The following ZEB2 variants were observed in gnomAD, a reference collection of about 807,000 sequenced individuals.
ZEB2 encodes zinc finger E-box binding homeobox 2, also known as zinc finger E-box-binding homeobox 2.
ZEB2 carries 6 observed loss-of-function variants against 99.9 expected under a neutral mutation model. That is an observed-to-expected ratio of 0.06 (90% CI 0.03 to 0.12). ZEB2 has a LOEUF of 0.12. Among genes scored for constraint, ZEB2 ranks in the 10% least tolerant of loss-of-function variants. The pLI is 1.00. For missense variants in ZEB2, 969 were observed against 1,502.8 expected, an observed-to-expected ratio of 0.64 and a Z score of 5.87; for synonymous variants, 517 against 542.5, an observed-to-expected ratio of 0.95 and a Z score of 0.65.
chr2:144,416,810 A>G (rs2149885388), intron 4 of ZEB2, among the ~76,000 whole-genome samples: 1 of 152,152 alleles, frequency 6.6e-6, no homozygotes, highest in East Asian at 1.9e-4. Context: ...TGAAATTTGC[A>G]ATTTCTTTAA....
Position 144,498,046 on chromosome 2 carries a change from T to TA in ZEB2, c.73+19231dup, listed in dbSNP as rs1704807524. Among the ~76,000 whole-genome samples the TA allele has an allele frequency of 1.2e-4, 6 of 48,276 alleles. 2 individuals are homozygous for TA. Among genetic ancestry groups the TA allele is most frequent in the East Asian group, 1.2e-3 (2 of 1,626 alleles). The allele number at this position is 48,276 out of a possible 152,430, so 31.7% of individuals were successfully genotyped here. On this transcript the variant is annotated intron_variant, in intron 2 of 9. Coordinates refer to ENST00000627532, the MANE Select transcript of ZEB2 (RefSeq NM_014795.4). ...TATATTATATAATATATATTAATAT[T>TA]ATATATTATATAATATATATTAATA...
At chr2:144,436,240 C>T (rs1487459704) in intron 2 of ZEB2, among the ~76,000 whole-genome samples, 1 of 152,020 alleles carries the variant, frequency 6.6e-6, no homozygotes, top group African/African-American at 2.4e-5. Context: ...ATGTGCTATC[C>T]AATACAAAAT....
At chr2:144,448,259 G>T (rs538142756) in intron 2 of ZEB2, among the ~76,000 whole-genome samples, 1 of 152,250 alleles carries the variant, frequency 6.6e-6, no homozygotes, top group South Asian at 2.1e-4. Flanking sequence ...TGACATTTAA[G>T]CATGAAATAT....
In ZEB2 at chr2:144,403,913, C is replaced by A. The variant is rs144925893; in HGVS notation, c.807+3G>T. 11 of 1,614,132 alleles carry A rather than the reference C, an allele frequency of 6.8e-6. No homozygotes were observed. The Admixed American group carries it at 8.3e-5, about 12-fold the overall frequency. ...AAGAAATCACTTAAAACCATCCCCC[C>A]ACCTGATCTGTCCCTGGCTTGTGTG... On this transcript the variant is annotated splice_donor_region_variant and intron_variant, in intron 6 of 9. Coordinates refer to ENST00000627532, the MANE Select transcript of ZEB2 (RefSeq NM_014795.4).
chr2:144,413,586 T>C (rs945498199), intron 4 of ZEB2, among the ~76,000 whole-genome samples: 2 of 152,130 alleles, frequency 1.3e-5, no homozygotes, highest in African/African-American at 4.8e-5. Context: ...ACTAAGAAAT[T>C]AAAAAATAAT....
rs867364499 is a variant in ZEB2 at position 144,430,578 on chromosome 2, G to A, written c.74-552C>T. On this transcript the variant is annotated intron_variant, in intron 2 of 9. Coordinates refer to ENST00000627532, the MANE Select transcript of ZEB2 (RefSeq NM_014795.4). ...TTTCACTCTTTCTTCTATGTCAACCGTCATGTGCTAAGGCCATTTATATCC... is the reference window on the plus strand; with the variant it reads ...TTTCACTCTTTCTTCTATGTCAACCATCATGTGCTAAGGCCATTTATATCC... The A allele has an allele frequency of 7.8e-5, 14 of 179,150 alleles. No homozygotes were observed. In the Middle Eastern group the frequency reaches 1.5e-3, roughly 20 times the overall value. 11.1% of individuals were successfully genotyped at this position (179,150 alleles called of 1,614,324 possible).
chr2:144,454,141 T>C (rs1242650663), intron 2 of ZEB2, among the ~76,000 whole-genome samples: 6 of 152,242 alleles, frequency 3.9e-5, no homozygotes, highest in Non-Finnish European at 1.5e-5. Flanking sequence ...AGTATGACCT[T>C]AAAGATGGTG....
intron 2 of ZEB2, chr2:144,464,385 A>G (rs1553966916): frequency 6.6e-6 from 1 of 152,160 alleles, no homozygotes; most frequent in Non-Finnish European, 1.5e-5. Flanking sequence ...TATATATTTA[A>G]ATCTACCATT....
At chr2:144,510,269 G>T (rs1454640605) in intron 2 of ZEB2, among the ~76,000 whole-genome samples, 1 of 152,044 alleles carries the variant, frequency 6.6e-6, no homozygotes, top group East Asian at 1.9e-4. Flanking sequence ...GTTTTCCTGA[G>T]GATTTATCAG....
intron 2 of ZEB2, among the ~76,000 whole-genome samples, chr2:144,452,222 G>T (rs979093412): frequency 6.6e-6 from 1 of 152,108 alleles, no homozygotes; most frequent in East Asian, 1.9e-4. Context: ...ATGCCTAGAC[G>T]GGTAGGAAAT....
intron 2 of ZEB2, among the ~76,000 whole-genome samples, chr2:144,448,322 T>TA (rs1307289261): frequency 1.3e-5 from 2 of 152,198 alleles, no homozygotes. Context: ...TCCCAGACAC[T>TA]AAACTAGGTT....
At chr2:144,458,610 G>A (rs1243012207) in intron 2 of ZEB2, among the ~76,000 whole-genome samples, 1 of 151,876 alleles carries the variant, frequency 6.6e-6, no homozygotes, top group Admixed American at 6.6e-5. Flanking sequence ...TTTTCTAAGA[G>A]AATGAAAAAA....
At chr2:144,511,757 A>G (rs1705042116) in intron 2 of ZEB2, 1 of 1,285,566 alleles carries the variant, frequency 7.8e-7, no homozygotes, top group East Asian at 5.5e-5. Flanking sequence ...AAAAATGAAA[A>G]GGAAAATTAC....
intron 2 of ZEB2, among the ~76,000 whole-genome samples, chr2:144,442,317 T>C (rs1290917067): frequency 6.6e-6 from 1 of 152,158 alleles, no homozygotes; most frequent in Non-Finnish European, 1.5e-5. Flanking sequence ...ATACAAGCAA[T>C]ATCAAAATAT....
At chr2:144,511,146 GA>G (rs1705031598) in intron 2 of ZEB2, among the ~76,000 whole-genome samples, 1 of 152,188 alleles carries the variant, frequency 6.6e-6, no homozygotes, top group African/African-American at 2.4e-5. Context: ...CGCGAAATCA[GA>G]CCAACTTCTA....
At chr2:144,467,154 T>G (rs1459695329) in intron 2 of ZEB2, among the ~76,000 whole-genome samples, 1 of 148,640 alleles carries the variant, frequency 6.7e-6, no homozygotes, top group East Asian at 2.1e-4. Flanking sequence ...ATTATACCCA[T>G]TGTTAAATAA....
chr2:144,414,748 ACT>A (rs1215174949), intron 4 of ZEB2, among the ~76,000 whole-genome samples: 2 of 152,096 alleles, frequency 1.3e-5, no homozygotes, highest in African/African-American at 2.4e-5. Flanking sequence ...CACCATAATG[ACT>A]CAACATGAGA....
chr2:144,473,437 T>G (rs192019865), intron 2 of ZEB2, among the ~76,000 whole-genome samples: 12 of 152,244 alleles, frequency 7.9e-5, no homozygotes, highest in Non-Finnish European at 1.6e-4. Flanking sequence ...CCTTGATTCT[T>G]TTTTTGGTAG....
chr2:144,444,194 C>A (rs778898479), intron 2 of ZEB2, among the ~76,000 whole-genome samples: 10 of 152,204 alleles, frequency 6.6e-5, no homozygotes, highest in Non-Finnish European at 1.2e-4. Context: ...ACATCTATAA[C>A]TTATGGTCCT....
Sources: gnomAD v4.1 joint callset for allele counts (sites outside exome capture counted in the v4.1 genomes callset) on GRCh38, gnomAD v4.1.1 for gene constraint, MANE v1.5 for transcripts, NCBI Gene and HGNC (gene_info 2026-07-23, HGNC 2026-07-21) for gene names.